The following TEX11 variants were observed in gnomAD, a reference collection of about 807,000 sequenced individuals.
TEX11 encodes the protein testis expressed 11, also known as testis-expressed protein 11.
Under a neutral mutation model 84.4 loss-of-function variants are expected in TEX11, and 7 were observed. That is an observed-to-expected ratio of 0.08 (90% CI 0.05 to 0.16). The LOEUF is 0.16. Ranked by LOEUF, TEX11 falls within the 10% of genes least tolerant of loss-of-function variation. TEX11 has a pLI of 1.00. For missense variants in TEX11, 551 were observed against 660.5 expected (o/e 0.83, Z 1.82); for synonymous variants, 264 against 222.8 (o/e 1.18, Z -1.64).
intron 2 of TEX11, among the ~76,000 whole-genome samples, chrX:70,902,201 C>A (rs1034895824): frequency 1.1e-4 from 12 of 111,757 alleles, no homozygotes; most frequent in Non-Finnish European, 2.1e-4. Context: ...TGGTGAGCCA[C>A]GATCACACCA....
intron 8 of TEX11, among the ~76,000 whole-genome samples, chrX:70,823,244 G>A (rs1268732143): frequency 3.6e-5 from 4 of 111,302 alleles, no homozygotes; most frequent in African/African-American, 1.3e-4. Context: ...CAGGGGCTCA[G>A]GGGAAGGGGA....
intron 11 of TEX11, 36 bp from the exon 12 acceptor site, chrX:70,725,379 T>G: frequency 9.7e-7 from 1 of 1,026,724 alleles, no homozygotes; most frequent in Non-Finnish European, 1.4e-6. Flanking sequence ...GATATTAAAA[T>G]TGTGGAATGT....
At chrX:70,889,567 A>G (rs1429759246) in intron 2 of TEX11, among the ~76,000 whole-genome samples, 2 of 112,039 alleles carry the variant, frequency 1.8e-5, no homozygotes, top group African/African-American at 6.5e-5. Context: ...ACCAATGAAA[A>G]ATAACAACTA....
Position 70,786,655 on chromosome X carries a change from T to C in TEX11, c.692+20050A>G, listed in dbSNP as rs146913852. Among the ~76,000 whole-genome samples, 608 of 111,311 alleles carry C rather than the reference T, an allele frequency of 5.5e-3. 6 individuals carry two copies. The highest frequency in any genetic ancestry group is 0.019 in the African/African-American group (581 of 30,635). ...GACCAATAACCTTGATGAACATAGA[T>C]GCAAATATCCTCAACAAAATACTAG... is the stretch of plus-strand genomic sequence containing the variant. On this transcript the variant is annotated intron_variant, in intron 9 of 29. Transcript: ENST00000374333.
intron 9 of TEX11, among the ~76,000 whole-genome samples, chrX:70,788,963 TATATATATATAGAGAGAGAGAGAG>T (rs1392891932): frequency 1.3e-3 from 55 of 43,787 alleles, no homozygotes; most frequent in Middle Eastern, 0.013. Context: ...TATATATATA[TATATATATATAGAGAGAGAGAGAG>T]AGAGAGAGAG....
At chrX:70,533,082 G>T (rs1189167472) in intron 28 of TEX11, among the ~76,000 whole-genome samples, 10 of 111,675 alleles carry the variant, frequency 9.0e-5, no homozygotes, top group Non-Finnish European at 1.9e-4. Flanking sequence ...AATAAAAGGA[G>T]TTGTGTGATC....
chrX:70,725,647 C>A (rs750273478), intron 11 of TEX11, among the ~76,000 whole-genome samples: 1 of 112,160 alleles, frequency 8.9e-6, no homozygotes, highest in South Asian at 3.7e-4. Flanking sequence ...GTAAGCAAAA[C>A]CACAAACCGG....
At chrX:70,719,927 G>C (rs755405580) in intron 13 of TEX11, among the ~76,000 whole-genome samples, 2 of 111,572 alleles carry the variant, frequency 1.8e-5, no homozygotes, top group South Asian at 3.8e-4. Context: ...TGGTGGGACT[G>C]TAAACTAGTT....
chrX:70,751,958 G>A (rs2090829107), intron 9 of TEX11, among the ~76,000 whole-genome samples: 1 of 111,983 alleles, frequency 8.9e-6, no homozygotes, highest in Admixed American at 9.5e-5. Context: ...AAATTCTTAA[G>A]GTGTATTACT....
chrX:70,885,607 T>C (rs1450190492), intron 2 of TEX11, among the ~76,000 whole-genome samples: 1 of 110,707 alleles, frequency 9.0e-6, no homozygotes, highest in Non-Finnish European at 1.9e-5. Context: ...AAATAGAAAA[T>C]AAGGCCAGGC....
At chrX:70,656,842 A>G (rs747887369) in intron 16 of TEX11, among the ~76,000 whole-genome samples, 57 of 112,170 alleles carry the variant, frequency 5.1e-4, no homozygotes, top group Non-Finnish European at 9.6e-4. Flanking sequence ...CAAGGACCTC[A>G]TATCAAAGAT....
At chrX:70,634,545 T>A (rs1283164103) in intron 17 of TEX11, among the ~76,000 whole-genome samples, 1 of 110,744 alleles carries the variant, frequency 9.0e-6, no homozygotes, top group Non-Finnish European at 1.9e-5. Flanking sequence ...AAAGACAGTA[T>A]GGGAATAGCG....
intron 25 of TEX11, among the ~76,000 whole-genome samples, chrX:70,575,283 G>A (rs1436573408): frequency 9.0e-6 from 1 of 111,397 alleles, no homozygotes. Flanking sequence ...TATTGAGAAT[G>A]GGCACATCAC....
At chrX:70,840,896 A>G (rs1372195279) in intron 7 of TEX11, among the ~76,000 whole-genome samples, 1 of 111,355 alleles carries the variant, frequency 9.0e-6, no homozygotes, top group Non-Finnish European at 1.9e-5. Flanking sequence ...CCATTACATA[A>G]TGGTAAAGGG....
At chrX:70,744,995 G>C (rs748587323) in intron 9 of TEX11, among the ~76,000 whole-genome samples, 3 of 108,765 alleles carry the variant, frequency 2.8e-5, no homozygotes, top group Non-Finnish European at 3.8e-5. Context: ...TGTTGGGCCC[G>C]ACCCCGAATA....
chrX:70,735,521 T>G (rs1268144746), intron 11 of TEX11, among the ~76,000 whole-genome samples: 1 of 112,048 alleles, frequency 8.9e-6, no homozygotes, highest in Non-Finnish European at 1.9e-5. Flanking sequence ...AATAATTCCA[T>G]TTATAAAAGC....
At chrX:70,860,989 A>G in intron 4 of TEX11, 53 bp from the exon 5 acceptor site, 1 of 819,484 alleles carries the variant, frequency 1.2e-6, no homozygotes, top group Non-Finnish European at 1.7e-6. Context: ...TTCTCCTTTT[A>G]TATACACCAA....
rs186003378 is a variant in TEX11, at chrX:70,686,348, T to C, written c.1005-3523A>G. Among the ~76,000 whole-genome samples, 260 of 111,855 alleles carry C rather than the reference T, an allele frequency of 2.3e-3. 2 individuals are homozygous for C. The highest frequency in any genetic ancestry group is 7.7e-4 in the Non-Finnish European group (41 of 53,186). ...GTGGTACATATACACCATGGAATAC[T>C]ACGCAGCCATAAAAATGAATGAGAT... On this transcript the variant is annotated intron_variant, in intron 13 of 29. Coordinates refer to ENST00000374333, the MANE Select transcript of TEX11 (RefSeq NM_031276.3).
intron 4 of TEX11, among the ~76,000 whole-genome samples, chrX:70,870,054 C>A (rs1324089309): frequency 8.9e-6 from 1 of 112,018 alleles, no homozygotes; most frequent in Non-Finnish European, 1.9e-5. Flanking sequence ...TAATTGGTGA[C>A]TGATACCTTT....
Sources: gnomAD v4.1 joint callset for allele counts (sites outside exome capture counted in the v4.1 genomes callset) on GRCh38, gnomAD v4.1.1 for gene constraint, MANE v1.5 for transcripts, NCBI Gene and HGNC (gene_info 2026-07-23, HGNC 2026-07-21) for gene names.